The following WWOX variants were observed in gnomAD, a reference collection of about 807,000 sequenced individuals.
WWOX encodes the protein WW domain-containing oxidoreductase.
WWOX carries 69 observed loss-of-function variants against 46.2 expected under a neutral mutation model. The observed-to-expected ratio is 1.49, with a 90% CI of 1.23 to 1.82. WWOX has a LOEUF of 1.82. Among genes scored for constraint, WWOX ranks in the 40% most tolerant of loss-of-function variants. WWOX has a pLI of 0.00. For synonymous variants in WWOX, 359 were observed against 202.6 expected (o/e 1.77, Z -6.56); for missense variants, 919 against 542.6 (o/e 1.69, Z -6.89).
intron 8 of WWOX, among the ~76,000 whole-genome samples, chr16:78,705,309 T>A (rs1021924916): frequency 2.0e-5 from 3 of 152,204 alleles, no homozygotes; most frequent in African/African-American, 7.2e-5. Flanking sequence ...TCATTGTTGC[T>A]TCCGGACCTA....
chr16:78,792,307 C>T (rs1486016699), intron 8 of WWOX, among the ~76,000 whole-genome samples: 1 of 152,156 alleles, frequency 6.6e-6, no homozygotes, highest in Admixed American at 6.5e-5. Flanking sequence ...AGTAACCCAG[C>T]CCCACCTTGG....
chr16:78,371,745 G>T (rs1255920295), intron 5 of WWOX, among the ~76,000 whole-genome samples: 1 of 151,620 alleles, frequency 6.6e-6, no homozygotes, highest in African/African-American at 2.4e-5. Context: ...GTTAATATTT[G>T]CTATACTAGC....
intron 8 of WWOX, among the ~76,000 whole-genome samples, chr16:78,908,766 C>G (rs2045033390): frequency 6.6e-6 from 1 of 152,212 alleles, no homozygotes; most frequent in Admixed American, 6.5e-5. Flanking sequence ...GTGGGAGCCA[C>G]AAGACCATAT....
intron 6 of WWOX, among the ~76,000 whole-genome samples, chr16:78,416,435 G>A (rs1335408010): frequency 6.6e-6 from 1 of 152,188 alleles, no homozygotes; most frequent in African/African-American, 2.4e-5. Context: ...TAATAGAGGT[G>A]ACAAGTTTTA....
chr16:79,152,684 A>G lies in WWOX; in HGVS notation c.1057-58924A>G, dbSNP rs576356948. 3.9e-5 allele frequency among the ~76,000 whole-genome samples: 6 copies of G among 151,928 alleles called. No individual in the cohort carries two copies. The East Asian group carries it at 9.7e-4, about 25-fold the overall frequency. On this transcript the variant is annotated intron_variant, in intron 8 of 8. Coordinates refer to ENST00000566780, the MANE Select transcript of WWOX (RefSeq NM_016373.4). ...GTCTCCATCTCAAAGAAAAAAAAAA[A>G]AAAACAAAAACCTGCCCTGCCCAGC...
intron 5 of WWOX, among the ~76,000 whole-genome samples, chr16:78,251,480 G>A (rs1032854050): frequency 1.3e-5 from 2 of 152,118 alleles, no homozygotes; most frequent in African/African-American, 2.4e-5. Context: ...GGTGCCAGGC[G>A]TCTCTCAGCT....
chr16:78,897,737 A>C (rs987052615), intron 8 of WWOX: 1 of 152,024 alleles, frequency 6.6e-6, no homozygotes, highest in African/African-American at 2.4e-5. Flanking sequence ...ACTTGTAAGA[A>C]TGCTGCCAAA....
At chr16:78,937,294 C>T in intron 8 of WWOX, among the ~76,000 whole-genome samples, 1 of 152,054 alleles carries the variant, frequency 6.6e-6, no homozygotes, top group East Asian at 1.9e-4. Flanking sequence ...CCTGATTCTC[C>T]AATACACCTG....
At chr16:78,422,911 AG>A (rs1201978752) in intron 6 of WWOX, among the ~76,000 whole-genome samples, 2 of 140,982 alleles carry the variant, frequency 1.4e-5, no homozygotes, top group Non-Finnish European at 3.0e-5. Flanking sequence ...TTTTAGATGG[AG>A]TGTCTCTCTG....
At chr16:78,718,716 A>T (rs1567513103) in intron 8 of WWOX, among the ~76,000 whole-genome samples, 1 of 152,130 alleles carries the variant, frequency 6.6e-6, no homozygotes, top group Non-Finnish European at 1.5e-5. Flanking sequence ...TAGATAGCTT[A>T]GGAGAGTTCC....
chr16:79,126,956 A>G (rs1056881829), intron 8 of WWOX, among the ~76,000 whole-genome samples: 1 of 152,134 alleles, frequency 6.6e-6, no homozygotes, highest in African/African-American at 2.4e-5. Context: ...AGTTGCCTAG[A>G]GAAGACAGAA....
intron 8 of WWOX, among the ~76,000 whole-genome samples, chr16:79,000,119 G>T (rs1006818064): frequency 6.6e-6 from 1 of 152,168 alleles, no homozygotes; most frequent in Non-Finnish European, 1.5e-5. Flanking sequence ...CCCACCATTT[G>T]ACTGCTGCTC....
chr16:78,711,638 CT>C (rs1339483405), intron 8 of WWOX, among the ~76,000 whole-genome samples: 3 of 152,150 alleles, frequency 2.0e-5, no homozygotes, highest in South Asian at 2.1e-4. Context: ...ATAACATCGT[CT>C]GATAAATGTA....
chr16:78,673,853 C>G (rs544254886), intron 8 of WWOX, among the ~76,000 whole-genome samples: 4 of 152,008 alleles, frequency 2.6e-5, no homozygotes, highest in Non-Finnish European at 5.9e-5. Context: ...AGGTTTGTGC[C>G]ATGCAAAAAA....
chr16:78,607,279 T>A (rs2045782111), intron 8 of WWOX, among the ~76,000 whole-genome samples: 1 of 152,300 alleles, frequency 6.6e-6, no homozygotes, highest in Admixed American at 6.5e-5. Flanking sequence ...ATATTAAAAA[T>A]ATATACAAAA....
chr16:78,954,248 G>C lies in WWOX; in HGVS notation c.1057-257360G>C, dbSNP rs4572410. On this transcript the variant is annotated intron_variant, in intron 8 of 8. Coordinates refer to ENST00000566780, the MANE Select transcript of WWOX (RefSeq NM_016373.4). ...TGTATGGTTGGATGATTGGATGGAT[G>C]ATGGTTGAGTGAGTGGGTGGATGGA... Among the ~76,000 whole-genome samples, 23 of 152,188 alleles carry C rather than the reference G, an allele frequency of 1.5e-4. No homozygotes were observed. The South Asian group carries it at 2.1e-3, about 14-fold the overall frequency.
intron 5 of WWOX, among the ~76,000 whole-genome samples, chr16:78,325,405 G>A (rs573870979): frequency 2.0e-5 from 3 of 152,120 alleles, no homozygotes; most frequent in African/African-American, 7.2e-5. Context: ...TATTTAATGA[G>A]TGCAATTAAA....
intron 8 of WWOX, among the ~76,000 whole-genome samples, chr16:78,697,696 G>C (rs1352958269): frequency 3.3e-5 from 5 of 152,150 alleles, no homozygotes; most frequent in African/African-American, 1.2e-4. Context: ...TAAGTGTTCT[G>C]AACACATTTA....
intron 8 of WWOX, among the ~76,000 whole-genome samples, chr16:78,462,457 C>G (rs958108361): frequency 6.6e-5 from 10 of 152,166 alleles, no homozygotes; most frequent in Admixed American, 2.6e-4. Context: ...GGAAACTGCA[C>G]TCACACTGCT....
Sources: gnomAD v4.1 joint callset for allele counts (sites outside exome capture counted in the v4.1 genomes callset) on GRCh38, gnomAD v4.1.1 for gene constraint, MANE v1.5 for transcripts, NCBI Gene and HGNC (gene_info 2026-07-23, HGNC 2026-07-21) for gene names.